Variants in PALLD observed in about 807,000 individuals in gnomAD.
PALLD encodes palladin, cytoskeletal associated protein.
Under a neutral mutation model 123.5 loss-of-function variants are expected in PALLD, and 61 were observed. The observed-to-expected ratio is 0.49, with a 90% CI of 0.40 to 0.61. The LOEUF is 0.61. PALLD is among the 20% of genes least tolerant of loss of function. The pLI is 0.00. For synonymous variants in PALLD, 465 were observed against 496.4 expected (o/e 0.94, Z 0.84); for missense variants, 1,273 against 1,377.0 (o/e 0.92, Z 1.20).
chr4:168,882,142 C>A (rs1752693510), intron 10 of PALLD, among the ~76,000 whole-genome samples: 1 of 152,172 alleles, frequency 6.6e-6, no homozygotes, highest in Admixed American at 6.5e-5. Context: ...TCAATAAGAG[C>A]TTTTATACAG....
At chr4:168,660,588 A>G (rs1284586740) in intron 2 of PALLD, among the ~76,000 whole-genome samples, 1 of 105,508 alleles carries the variant, frequency 9.5e-6, no homozygotes, top group African/African-American at 4.1e-5. Flanking sequence ...ATGCAACAAC[A>G]ACAATACACA....
intron 2 of PALLD, among the ~76,000 whole-genome samples, chr4:168,651,626 A>T (rs538401035): frequency 1.2e-4 from 19 of 152,086 alleles, no homozygotes; most frequent in African/African-American, 4.3e-4. Context: ...TGGCCAGAAA[A>T]CCTCTAATCC....
chr4:168,720,391 A>T (rs966459678), intron 10 of PALLD, among the ~76,000 whole-genome samples: 1 of 152,244 alleles, frequency 6.6e-6, no homozygotes, highest in African/African-American at 2.4e-5. Context: ...ATTATCCTCG[A>T]AGGCTAGTCA....
At chr4:168,613,385 T>C (rs1421418953) in intron 2 of PALLD, among the ~76,000 whole-genome samples, 1 of 152,214 alleles carries the variant, frequency 6.6e-6, no homozygotes. Context: ...TCAAAGAGCA[T>C]GCACCGTAAT....
chr4:168,834,606 G>T (rs1388901559), intron 10 of PALLD, among the ~76,000 whole-genome samples: 2 of 152,060 alleles, frequency 1.3e-5, no homozygotes, highest in African/African-American at 4.8e-5. Context: ...GTGTGGTGGT[G>T]TGTGCCTATA....
rs577872526 is a variant in PALLD at position 168,834,604 on chromosome 4, G to T, written c.1965-56318G>T. Among the ~76,000 whole-genome samples, 17 of 152,226 alleles carry T rather than the reference G, an allele frequency of 1.1e-4. No individual in the cohort carries two copies. The East Asian group carries it at 3.1e-3, about 28-fold the overall frequency. The stretch of plus-strand genomic sequence containing the variant: ...ATACAAAAATTAGCCAGGTGTGGTG[G>T]TGTGTGCCTATAACCCCAGCTACTC... On this transcript the variant is annotated intron_variant, in intron 10 of 21. Transcript: ENST00000505667.
At chr4:168,896,101 G>A (rs900520044) in intron 12 of PALLD, among the ~76,000 whole-genome samples, 11 of 151,882 alleles carry the variant, frequency 7.2e-5, no homozygotes, top group Non-Finnish European at 8.8e-5. Context: ...TCCCAGCTAC[G>A]CGGGAGGCTG....
chr4:168,537,328 T>C (rs551241362), intron 2 of PALLD, among the ~76,000 whole-genome samples: 1 of 152,320 alleles, frequency 6.6e-6, no homozygotes, highest in East Asian at 1.9e-4. Context: ...CAATAACTAA[T>C]AACATACTTT....
chr4:168,532,885 T>C (rs989961118), intron 2 of PALLD, among the ~76,000 whole-genome samples: 1 of 152,142 alleles, frequency 6.6e-6, no homozygotes, highest in South Asian at 2.1e-4. Flanking sequence ...TTCTGATTGA[T>C]TGAAAGACAC....
intron 10 of PALLD, among the ~76,000 whole-genome samples, chr4:168,764,261 A>G (rs1294437062): frequency 2.6e-5 from 4 of 152,196 alleles, no homozygotes; most frequent in Non-Finnish European, 2.9e-5. Context: ...ACCTGAGAGA[A>G]CATAATTTAA....
At chr4:168,608,512 G>A (rs1773412181) in intron 2 of PALLD, among the ~76,000 whole-genome samples, 1 of 152,176 alleles carries the variant, frequency 6.6e-6, no homozygotes, top group African/African-American at 2.4e-5. Context: ...AGCGTTCATT[G>A]AAGTTTCTTG....
intron 2 of PALLD, chr4:168,631,822 T>G: frequency 1.0e-6 from 1 of 985,438 alleles, no homozygotes; most frequent in African/African-American, 1.7e-5. Flanking sequence ...AGTTGCAAGC[T>G]GGGAATAAGC....
rs10010321 is a variant in PALLD at position 168,656,384 on chromosome 4, T to C, written c.909-11806T>C. ...TAGGGAATTGGTGAGGATGAATCTA[T>C]TTTTTTAGCTAACAAGTGTAACTTG... is the stretch of plus-strand genomic sequence containing the variant. On this transcript the variant is annotated intron_variant, in intron 2 of 21. Transcript: ENST00000505667. Among the ~76,000 whole-genome samples the C allele has an allele frequency of 3.3e-5, 5 of 151,956 alleles. No individual in the cohort carries two copies. The East Asian group carries it at 9.7e-4, about 29-fold the overall frequency.
At chr4:168,670,716 G>A in intron 3 of PALLD, among the ~76,000 whole-genome samples, 1 of 143,138 alleles carries the variant, frequency 7.0e-6, no homozygotes. Context: ...GTCTGGCCTG[G>A]GCGACAGAGC....
In PALLD at chr4:168,571,061, C is replaced by A. The variant is rs188552438; in HGVS notation, c.908+58649C>A. Among the ~76,000 whole-genome samples the A allele has an allele frequency of 3.9e-4, 60 of 152,166 alleles. 1 individual carries two copies. Among genetic ancestry groups the A allele is most frequent in the African/African-American group, 1.3e-3 (56 of 41,530 alleles). ...TGGCTCTCTTCTTTGAAAATAATGG[C>A]AGGGTTCTCATCTAAAGAAAAAACA... is the stretch of plus-strand genomic sequence containing the variant. On this transcript the variant is annotated intron_variant, in intron 2 of 21. Coordinates refer to ENST00000505667, the MANE Select transcript of PALLD (RefSeq NM_001166108.2).
At chr4:168,632,732 G>A (rs1475043695) in intron 2 of PALLD, among the ~76,000 whole-genome samples, 1 of 152,180 alleles carries the variant, frequency 6.6e-6, no homozygotes, top group Non-Finnish European at 1.5e-5. Context: ...TAGTTTTTAT[G>A]GAAAGCATTG....
chr4:168,647,218 A>G (rs1212278533), intron 2 of PALLD, among the ~76,000 whole-genome samples: 1 of 152,214 alleles, frequency 6.6e-6, no homozygotes, highest in Non-Finnish European at 1.5e-5. Context: ...ATTAGACAGT[A>G]GAATATTTTC....
rs1319334075 is a variant in PALLD at position 168,696,949 on chromosome 4, A to C, written c.1501+5657A>C. 2.0e-5 allele frequency among the ~76,000 whole-genome samples: 3 copies of C among 152,200 alleles called. No individual in the cohort carries two copies. The East Asian group carries it at 5.8e-4, about 29-fold the overall frequency. On this transcript the variant is annotated intron_variant, in intron 8 of 21. Coordinates refer to ENST00000505667, the MANE Select transcript of PALLD (RefSeq NM_001166108.2). Reference sequence around the variant, plus strand: ...CCCAAACTGAAAGTTATCAATTGCCAGATGGAAAAATCCACTGATTGCACA... The same window carrying C: ...CCCAAACTGAAAGTTATCAATTGCCCGATGGAAAAATCCACTGATTGCACA...
intron 2 of PALLD, among the ~76,000 whole-genome samples, chr4:168,582,839 G>A (rs555024436): frequency 6.6e-6 from 1 of 152,176 alleles, no homozygotes; most frequent in East Asian, 1.9e-4. Flanking sequence ...ATTTTGTTGT[G>A]GGAAAATATA....
Sources: gnomAD v4.1 joint callset for allele counts (sites outside exome capture counted in the v4.1 genomes callset) on GRCh38, gnomAD v4.1.1 for gene constraint, MANE v1.5 for transcripts, NCBI Gene and HGNC (gene_info 2026-07-23, HGNC 2026-07-21) for gene names.